PCP4: variants seen among roughly 807,000 people sequenced by gnomAD.
The protein encoded by PCP4 is calmodulin regulator protein PCP4.
A neutral mutation model predicts 10.0 loss-of-function variants in PCP4; 8 were observed. That is an observed-to-expected ratio of 0.80 (90% CI 0.47 to 1.45). The LOEUF (loss-of-function observed/expected upper bound fraction) is 1.45. Among genes scored for constraint, PCP4 ranks in the 40% most tolerant of loss-of-function variants. The probability of loss-of-function intolerance (pLI) is 0.00; values close to 1 mark genes in which losing one functional copy is unlikely to be tolerated. For synonymous variants in PCP4, 21 were observed against 23.0 expected (o/e 0.91, Z 0.24); for missense variants, 54 against 74.4 (o/e 0.73, Z 1.01).
chr21:39,888,676 A>C (rs560878593), intron 1 of PCP4, among the ~76,000 whole-genome samples: 1 of 152,268 alleles, frequency 6.6e-6, no homozygotes, highest in African/African-American at 2.4e-5. Flanking sequence ...CTCCACGCTG[A>C]GATGGTTGCT....
intron 2 of PCP4, among the ~76,000 whole-genome samples, chr21:39,901,271 T>A (rs2087481238): frequency 6.6e-6 from 1 of 152,238 alleles, no homozygotes; most frequent in Non-Finnish European, 1.5e-5. Flanking sequence ...ATGTTTTTGA[T>A]CTTTTGGGCT....
At chr21:39,911,016 CTCTT>C (rs111231570) in intron 2 of PCP4, among the ~76,000 whole-genome samples, 8,250 of 152,226 alleles carry the variant, frequency 0.054, 301 homozygotes, top group African/African-American at 0.1. Context: ...CGAATTCTGA[CTCTT>C]TATGATTCTG....
intron 2 of PCP4, among the ~76,000 whole-genome samples, chr21:39,907,264 G>A (rs555545436): frequency 1.2e-4 from 18 of 152,168 alleles, no homozygotes; most frequent in South Asian, 4.2e-4. Flanking sequence ...AGCCCTGGGC[G>A]TGTCTCCAGG....
chr21:39,899,763 T>C (rs2087474246), intron 2 of PCP4, among the ~76,000 whole-genome samples: 1 of 151,794 alleles, frequency 6.6e-6, no homozygotes, highest in Non-Finnish European at 1.5e-5. Flanking sequence ...TGAGTTGGGG[T>C]GGGTGTGTGG....
chr21:39,877,222 T>C (rs1362436749), intron 1 of PCP4, among the ~76,000 whole-genome samples: 1 of 152,154 alleles, frequency 6.6e-6, no homozygotes, highest in African/African-American at 2.4e-5. Context: ...TTATTAGCCT[T>C]GAGTAAAAAA....
intron 2 of PCP4, among the ~76,000 whole-genome samples, chr21:39,920,801 C>T (rs1277063260): frequency 6.6e-6 from 1 of 152,306 alleles, no homozygotes; most frequent in Non-Finnish European, 1.5e-5. Context: ...TGTGAATGCA[C>T]AGATGAAGAC....
intron 2 of PCP4, among the ~76,000 whole-genome samples, chr21:39,904,008 G>A (rs1309015673): frequency 1.3e-5 from 2 of 151,100 alleles, no homozygotes; most frequent in African/African-American, 2.4e-5. Context: ...AACCATAAAA[G>A]TTTAAGTTTA....
intron 2 of PCP4, among the ~76,000 whole-genome samples, chr21:39,905,204 G>A (rs1440932401): frequency 2.6e-5 from 4 of 152,028 alleles, no homozygotes; most frequent in African/African-American, 9.7e-5. Flanking sequence ...TCTCCATCTG[G>A]AGGTTCTTGG....
At chr21:39,917,377 T>TAG (rs1275526149) in intron 2 of PCP4, among the ~76,000 whole-genome samples, 7 of 152,126 alleles carry the variant, frequency 4.6e-5, no homozygotes, top group Admixed American at 3.3e-4. Context: ...CCTATCCTTC[T>TAG]AGTGCACCTG....
At chr21:39,907,052 A>G (rs2087514989) in intron 2 of PCP4, among the ~76,000 whole-genome samples, 1 of 152,224 alleles carries the variant, frequency 6.6e-6, no homozygotes, top group African/African-American at 2.4e-5. Flanking sequence ...AGGCTGGGCC[A>G]AATGATAAGA....
intron 1 of PCP4, among the ~76,000 whole-genome samples, chr21:39,889,170 G>A (rs1217350817): frequency 6.6e-6 from 1 of 152,098 alleles, no homozygotes; most frequent in East Asian, 1.9e-4. Flanking sequence ...TCTTTCTAGT[G>A]TTGCCAAAGC....
chr21:39,884,664 G>C (rs537049525), intron 1 of PCP4, among the ~76,000 whole-genome samples: 1 of 151,998 alleles, frequency 6.6e-6, no homozygotes, highest in South Asian at 2.1e-4. Context: ...AGGCGTGGTG[G>C]CATGTGCCTG....
chr21:39,905,986 C>T (rs1839804086), intron 2 of PCP4, among the ~76,000 whole-genome samples: 1 of 152,192 alleles, frequency 6.6e-6, no homozygotes, highest in African/African-American at 2.4e-5. Context: ...GGAGGCAGAG[C>T]TTGCAGTGAG....
intron 2 of PCP4, among the ~76,000 whole-genome samples, chr21:39,910,183 T>G (rs1183654528): frequency 6.6e-6 from 1 of 152,192 alleles, no homozygotes; most frequent in Non-Finnish European, 1.5e-5. Flanking sequence ...TCCTCGGATG[T>G]CAGAGAGACA....
At chr21:39,882,426 C>T (rs1160026704) in intron 1 of PCP4, among the ~76,000 whole-genome samples, 4 of 152,128 alleles carry the variant, frequency 2.6e-5, no homozygotes, top group African/African-American at 4.8e-5. Context: ...TGAGTACACC[C>T]GGCATGGCAT....
intron 2 of PCP4, among the ~76,000 whole-genome samples, chr21:39,921,784 A>G (rs1043098511): frequency 2.0e-5 from 3 of 152,240 alleles, no homozygotes; most frequent in African/African-American, 7.2e-5. Flanking sequence ...TCTGGCCTCC[A>G]GAACTGTGGG....
At chr21:39,871,660 G>A (rs1029315533) in intron 1 of PCP4, among the ~76,000 whole-genome samples, 4 of 151,670 alleles carry the variant, frequency 2.6e-5, no homozygotes, top group African/African-American at 9.7e-5. Context: ...TACAATCTGG[G>A]TTTGAAGTTC....
chr21:39,928,853 T>C, intron 2 of PCP4, 131 bp from the exon 3 acceptor site: 1 of 789,008 alleles, frequency 1.3e-6, no homozygotes, highest in Non-Finnish European at 2.1e-6. Context: ...TGAGCTCTTG[T>C]CCTGGGGTGT....
rs1201248826 is a variant in PCP4, at chr21:39,880,188, CTATCTA to C, written c.9+12686_9+12691del. Among the ~76,000 whole-genome samples the C allele has an allele frequency of 6.6e-3, 806 of 122,666 alleles. 9 individuals carry two copies. The highest frequency in any genetic ancestry group is 0.025 in the African/African-American group (762 of 30,610). 80.5% of individuals were successfully genotyped at this position (122,666 alleles called of 152,430 possible). A position where few individuals can be genotyped will look rare whatever the true frequency, so the allele number is the denominator to read the frequency against. On this transcript the variant is annotated intron_variant, in intron 1 of 2. Transcript: ENST00000328619. ...TCTATATCTATATCTATATCTATAT[CTATCTA>C]TATCTATTCCCTGTCCAAGTGGAAG...
Sources: allele counts gnomAD v4.1 joint callset (sites outside exome capture counted in the v4.1 genomes callset), GRCh38; gene constraint gnomAD v4.1.1; transcripts MANE v1.5; gene names NCBI Gene and HGNC (gene_info 2026-07-23, HGNC 2026-07-21).